The following RNLS variants were observed in gnomAD, a reference collection of about 807,000 sequenced individuals.
RNLS encodes the protein renalase.
In RNLS, 39 loss-of-function variants were observed where a neutral mutation model predicts 39.8. The ratio of observed to expected loss-of-function variants is 0.98; its 90% CI spans 0.76 to 1.28. RNLS has a LOEUF of 1.28. Ranked by LOEUF, RNLS falls within the 50% of genes most tolerant of loss-of-function variation. The probability of loss-of-function intolerance (pLI) is 0.00; values close to 1 mark genes in which losing one functional copy is unlikely to be tolerated. For missense variants in RNLS, 410 were observed against 413.3 expected, an observed-to-expected ratio of 0.99 and a Z score of 0.07; for synonymous variants, 147 against 150.7, an observed-to-expected ratio of 0.98 and a Z score of 0.18.
chr10:88,260,034 C>A, the RNLS span, among the ~76,000 whole-genome samples: 2 of 152,136 alleles, frequency 1.3e-5, no homozygotes. Context: ...GCCACAGCAC[C>A]CGGCCAAAGA....
downstream of RNLS, among the ~76,000 whole-genome samples, chr10:88,280,522 G>A (rs1039320192): frequency 2.0e-5 from 3 of 152,218 alleles, no homozygotes; most frequent in Non-Finnish European, 2.9e-5. Flanking sequence ...CAGATGTGTG[G>A]GGGGAGGGGT....
At chr10:88,560,366 C>T (rs913401404) in intron 4 of RNLS, among the ~76,000 whole-genome samples, 2 of 151,900 alleles carry the variant, frequency 1.3e-5, no homozygotes, top group Non-Finnish European at 2.9e-5. Flanking sequence ...AAGAAGCCAC[C>T]AGGAAAAGGT....
intron 4 of RNLS, among the ~76,000 whole-genome samples, chr10:88,393,557 G>A (rs1852352381): frequency 6.6e-6 from 1 of 152,180 alleles, no homozygotes; most frequent in Admixed American, 6.5e-5. Context: ...ACAAACAAAT[G>A]GAAGAACATT....
chr10:88,403,482 T>A (rs1249476309), intron 4 of RNLS, among the ~76,000 whole-genome samples: 1 of 152,064 alleles, frequency 6.6e-6, no homozygotes, highest in Non-Finnish European at 1.5e-5. Context: ...ACAGATGAAA[T>A]AATATGATGC....
chr10:88,336,748 A>G (rs777365738), intron 5 of RNLS, among the ~76,000 whole-genome samples: 6 of 152,200 alleles, frequency 3.9e-5, no homozygotes, highest in Admixed American at 1.3e-4. Context: ...TATTTTAGCA[A>G]TACTTTCGGG....
At chr10:88,472,951 T>C (rs1843628417) in intron 4 of RNLS, among the ~76,000 whole-genome samples, 1 of 152,212 alleles carries the variant, frequency 6.6e-6, no homozygotes. Flanking sequence ...ACCGTGAGGA[T>C]ATGTTCTAAG....
intron 4 of RNLS, among the ~76,000 whole-genome samples, chr10:88,372,919 C>A (rs1424918451): frequency 6.6e-6 from 1 of 152,028 alleles, no homozygotes; most frequent in Non-Finnish European, 1.5e-5. Context: ...GACTATTATG[C>A]CATCATTCTT....
intron 4 of RNLS, among the ~76,000 whole-genome samples, chr10:88,454,471 T>C (rs894021863): frequency 1.3e-5 from 2 of 152,216 alleles, no homozygotes; most frequent in East Asian, 1.9e-4. Context: ...TAGCAGGGGC[T>C]TTGTTCTTTA....
At chr10:88,502,843 C>T (rs888838085) in intron 4 of RNLS, among the ~76,000 whole-genome samples, 3 of 152,032 alleles carry the variant, frequency 2.0e-5, no homozygotes, top group South Asian at 4.1e-4. Flanking sequence ...TGATCAAAAG[C>T]GCATATTCTC....
At chr10:88,577,644 T>TA (rs1024071169) in intron 3 of RNLS, among the ~76,000 whole-genome samples, 1 of 152,020 alleles carries the variant, frequency 6.6e-6, no homozygotes, top group Non-Finnish European at 1.5e-5. Context: ...ACAACTAGTA[T>TA]AAAAAAAGAA....
intron 4 of RNLS, among the ~76,000 whole-genome samples, chr10:88,468,433 A>G (rs906534455): frequency 6.6e-6 from 1 of 152,144 alleles, no homozygotes; most frequent in Non-Finnish European, 1.5e-5. Context: ...TATGTCAACT[A>G]TGTTGACAAC....
At chr10:88,544,908 T>G (rs1848223651) in intron 4 of RNLS, among the ~76,000 whole-genome samples, 1 of 152,200 alleles carries the variant, frequency 6.6e-6, no homozygotes, top group South Asian at 2.1e-4. Context: ...AAAGATGGTA[T>G]ATACCATTTT....
chr10:88,399,223 C>A (rs1852756641), intron 4 of RNLS, among the ~76,000 whole-genome samples: 1 of 151,910 alleles, frequency 6.6e-6, no homozygotes, highest in Non-Finnish European at 1.5e-5. Flanking sequence ...AACAATTCCT[C>A]AAAAAATTAT....
At chr10:88,516,629 T>C (rs1202672627) in intron 4 of RNLS, among the ~76,000 whole-genome samples, 2 of 152,180 alleles carry the variant, frequency 1.3e-5, no homozygotes, top group East Asian at 1.9e-4. Flanking sequence ...ATAAAGTTGG[T>C]ATTTTTCTGA....
the RNLS span, among the ~76,000 whole-genome samples, chr10:88,217,294 T>G: frequency 2.0e-5 from 3 of 152,188 alleles, no homozygotes; most frequent in African/African-American, 7.2e-5. Context: ...ACTCAGTTAA[T>G]TAGAGGTCTT....
chr10:88,349,961 G>A (rs907700335), intron 5 of RNLS, among the ~76,000 whole-genome samples: 9 of 151,990 alleles, frequency 5.9e-5, no homozygotes, highest in Admixed American at 5.2e-4. Context: ...TTATATAAAT[G>A]ACAAAATGTC....
intron 4 of RNLS, among the ~76,000 whole-genome samples, chr10:88,562,913 G>T (rs1849275909): frequency 6.6e-6 from 1 of 152,000 alleles, no homozygotes; most frequent in African/African-American, 2.4e-5. Context: ...TTGTTCTCTG[G>T]AAACATCTAA....
the RNLS span, among the ~76,000 whole-genome samples, chr10:88,247,639 CT>C: frequency 6.6e-6 from 1 of 152,166 alleles, no homozygotes; most frequent in Non-Finnish European, 1.5e-5. Context: ...GGTAGATAGA[CT>C]AATAGCCTCC....
At chr10:88,300,245 G>A (rs1315585351) in intron 6 of RNLS, among the ~76,000 whole-genome samples, 1 of 152,164 alleles carries the variant, frequency 6.6e-6, no homozygotes. Flanking sequence ...TTAACATAAA[G>A]AGCCCAGTGA....
Sources: allele counts gnomAD v4.1 joint callset (sites outside exome capture counted in the v4.1 genomes callset), GRCh38; gene constraint gnomAD v4.1.1; transcripts MANE v1.5; gene names NCBI Gene and HGNC (gene_info 2026-07-23, HGNC 2026-07-21).